The following SNRPD1 variants were observed in gnomAD, a reference collection of about 807,000 sequenced individuals.
SNRPD1 encodes small nuclear ribonucleoprotein Sm D1.
In SNRPD1, 1 loss-of-function variant was observed where a neutral mutation model predicts 14.4. The ratio of observed to expected loss-of-function variants is 0.07; its 90% CI spans 0.02 to 0.33. The LOEUF is 0.33. Among genes scored for constraint, SNRPD1 ranks in the 10% least tolerant of loss-of-function variants. SNRPD1 has a pLI of 1.00. For synonymous variants in SNRPD1, 42 were observed against 50.3 expected (o/e 0.83, Z 0.70); for missense variants, 52 against 146.4 (o/e 0.36, Z 3.33).
intron 1 of SNRPD1, among the ~76,000 whole-genome samples, chr18:21,613,854 CAAA>C (rs56863125): frequency 1.2e-4 from 7 of 58,696 alleles, no homozygotes; most frequent in East Asian, 1.1e-3. Context: ...GACTCCATCT[CAAA>C]AAAAAAAAAA....
At chr18:21,628,910 C>T in intron 3 of SNRPD1, 152 bp from the exon 4 acceptor site, 1 of 692,004 alleles carries the variant, frequency 1.4e-6, no homozygotes, top group Non-Finnish European at 2.6e-6. Context: ...AAGTCTAACA[C>T]ATTTAACAGA....
intron 1 of SNRPD1, among the ~76,000 whole-genome samples, chr18:21,615,162 A>C (rs1380324226): frequency 6.6e-6 from 1 of 152,208 alleles, no homozygotes; most frequent in African/African-American, 2.4e-5. Context: ...ACCAGAAATG[A>C]ATTTTGCCTG....
chr18:21,618,969 G>A (rs2038977515), intron 1 of SNRPD1, among the ~76,000 whole-genome samples: 1 of 152,134 alleles, frequency 6.6e-6, no homozygotes, highest in African/African-American at 2.4e-5. Flanking sequence ...GTTATCTTAT[G>A]TGTACCATTT....
Position 21,619,973 on chromosome 18 carries a change from G to T in SNRPD1, c.15-2752G>T, listed in dbSNP as rs149505719. 9.9e-4 allele frequency among the ~76,000 whole-genome samples: 149 copies of T among 151,246 alleles called. 1 individual carries two copies. Among genetic ancestry groups the T allele is most frequent in the African/African-American group, 3.4e-3 (139 of 41,302 alleles). On this transcript the variant is annotated intron_variant, in intron 1 of 3. Transcript: ENST00000300413. ...TAATTTTTTTATTTGTATTTTTTTC[G>T]AGATGGAGTCTTGCTCTGTCACCCA...
intron 3 of SNRPD1, among the ~76,000 whole-genome samples, chr18:21,627,762 A>C (rs2039051775): frequency 6.6e-6 from 1 of 152,196 alleles, no homozygotes. Flanking sequence ...TAAATGTTAA[A>C]ATGTCATATA....
rs59505994 is a variant in SNRPD1 at position 21,622,829 on chromosome 18, ATT to A, written c.91+35_91+36del. The A allele has an allele frequency of 1.7e-3, 1,971 of 1,190,840 alleles. 28 individuals carry two copies. In the African/African-American group the frequency reaches 0.027, roughly 16 times the overall value. The allele number at this position is 1,190,840 out of a possible 1,614,324, so 73.8% of individuals were successfully genotyped here. Reference sequence around the variant, plus strand: ...ACGGAGGTTGGACTGCTTTTATAACATTTTTTTTCTTCTCTTTTACCTAGCCA... The same window carrying A: ...ACGGAGGTTGGACTGCTTTTATAACATTTTTTCTTCTCTTTTACCTAGCCA... On this transcript the variant is annotated intron_variant, in intron 2 of 3. Coordinates refer to ENST00000300413, the MANE Select transcript of SNRPD1 (RefSeq NM_006938.4).
chr18:21,618,807 A>G (rs957530487), intron 1 of SNRPD1, among the ~76,000 whole-genome samples: 29 of 152,322 alleles, frequency 1.9e-4, no homozygotes, highest in Admixed American at 1.9e-3. Context: ...CACTAAAAAA[A>G]AAGAAATTAA....
chr18:21,629,022 A>G (rs1568126711), intron 3 of SNRPD1, 40 bp from the exon 4 acceptor site: 29 of 1,492,070 alleles, frequency 1.9e-5, no homozygotes, highest in Non-Finnish European at 2.6e-5. Context: ...ACATTGGTGC[A>G]GGAGAGAATT....
At chr18:21,628,881 G>C (rs927333703) in intron 3 of SNRPD1, among the ~76,000 whole-genome samples, 181 bp from the exon 4 acceptor site, 1 of 151,796 alleles carries the variant, frequency 6.6e-6, no homozygotes, top group African/African-American at 2.4e-5. Flanking sequence ...ATAATGTGTT[G>C]GGGGGTGGAG....
At chr18:21,615,270 A>C (rs1186159254) in intron 1 of SNRPD1, among the ~76,000 whole-genome samples, 1 of 152,244 alleles carries the variant, frequency 6.6e-6, no homozygotes, top group Non-Finnish European at 1.5e-5. Context: ...GAAGTGTATC[A>C]GTAATGTGTT....
At chr18:21,627,407 C>A (rs2039048152) in intron 3 of SNRPD1, among the ~76,000 whole-genome samples, 1 of 148,226 alleles carries the variant, frequency 6.7e-6, no homozygotes, top group African/African-American at 2.5e-5. Flanking sequence ...GAGCCACCAT[C>A]ATACCTGGTC....
chr18:21,612,324 G>T lies in SNRPD1; in HGVS notation c.-106G>T. On this transcript the variant is annotated 5_prime_UTR_variant, in exon 1 of 4. Transcript: ENST00000300413. ...AGTGCTCCGCGCGCTCTTGACGTCCGGAGCCCCTGGAGTAGGCGCTTCCGG... is the reference window on the plus strand; with the variant it reads ...AGTGCTCCGCGCGCTCTTGACGTCCTGAGCCCCTGGAGTAGGCGCTTCCGG... 1 of 791,012 alleles carries T rather than the reference G, an allele frequency of 1.3e-6. No individual in the cohort carries two copies. The highest frequency in any genetic ancestry group is 2.5e-5 in the South Asian group (1 of 39,812). 49.0% of individuals were successfully genotyped at this position (791,012 alleles called of 1,614,324 possible).
rs2039061946 is a variant in SNRPD1 at position 21,629,174 on chromosome 18, G to C, written c.*36G>C. 1 of 1,470,870 alleles carries C rather than the reference G, an allele frequency of 6.8e-7. No individual in the cohort carries two copies. Among genetic ancestry groups the C allele is most frequent in the African/African-American group, 1.4e-5 (1 of 72,104 alleles). 91.1% of individuals were successfully genotyped at this position (1,470,870 alleles called of 1,614,324 possible). A position where few individuals can be genotyped will look rare whatever the true frequency, so the allele number is the denominator to read the frequency against. Reference sequence around the variant, plus strand: ...GATTTCAAAGTCATATGAGATTTGGGATATTTTTTGTACAGGTTGTGTTTG... The same window carrying C: ...GATTTCAAAGTCATATGAGATTTGGCATATTTTTTGTACAGGTTGTGTTTG... On this transcript the variant is annotated 3_prime_UTR_variant, in exon 4 of 4. Transcript: ENST00000300413.
chr18:21,614,782 T>C (rs1192627551), intron 1 of SNRPD1, among the ~76,000 whole-genome samples: 1 of 152,206 alleles, frequency 6.6e-6, no homozygotes, highest in East Asian at 1.9e-4. Context: ...ATATCCAAGT[T>C]TCACTAAGTG....
chr18:21,613,809 C>T lies in SNRPD1; in HGVS notation c.14+1366C>T, dbSNP rs557678604. Among the ~76,000 whole-genome samples the T allele has an allele frequency of 2.4e-4, 29 of 120,276 alleles. No individual in the cohort carries two copies. In the South Asian group the frequency reaches 4.3e-3, roughly 18 times the overall value. 78.9% of individuals were successfully genotyped at this position (120,276 alleles called of 152,430 possible). A position where few individuals can be genotyped will look rare whatever the true frequency, so the allele number is the denominator to read the frequency against. On this transcript the variant is annotated intron_variant, in intron 1 of 3. Coordinates refer to ENST00000300413, the MANE Select transcript of SNRPD1 (RefSeq NM_006938.4). ...GGCAGAGGTTGCAGTGAGCCGATATCGTGGCACTACGCTCCAGCCTGGGCG... is the reference window on the plus strand; with the variant it reads ...GGCAGAGGTTGCAGTGAGCCGATATTGTGGCACTACGCTCCAGCCTGGGCG...
In SNRPD1 at chr18:21,629,695, G is replaced by GTCCAGTTAGGCTACAGT; in HGVS notation, c.*560_*576dup. 6.5e-6 allele frequency: 1 copy of GTCCAGTTAGGCTACAGT among 153,902 alleles called. No individual in the cohort carries two copies. Among genetic ancestry groups the GTCCAGTTAGGCTACAGT allele is most frequent in the South Asian group, 2.0e-4 (1 of 4,944 alleles). 9.5% of individuals were successfully genotyped at this position (153,902 alleles called of 1,614,324 possible). A position where few individuals can be genotyped will look rare whatever the true frequency, so the allele number is the denominator to read the frequency against. On this transcript the variant is annotated 3_prime_UTR_variant, in exon 4 of 4. Coordinates refer to ENST00000300413, the MANE Select transcript of SNRPD1 (RefSeq NM_006938.4). The stretch of plus-strand genomic sequence containing the variant: ...AGAGTAGGGTACCGTCTGTTTACAC[G>GTCCAGTTAGGCTACAGT]TCCAGTTAGGCTACAGTTCTATGTA...
In SNRPD1 at chr18:21,617,564, A is replaced by C. The variant is rs565307300; in HGVS notation, c.14+5121A>C. Among the ~76,000 whole-genome samples the C allele has an allele frequency of 1.4e-4, 22 of 152,198 alleles. 1 individual carries two copies. The South Asian group carries it at 4.1e-3, about 29-fold the overall frequency. ...AACATTGGCCCTAGGTTCTCTTTTA[A>C]ATGTGAATATGAGCCTGGTACTCCA... On this transcript the variant is annotated intron_variant, in intron 1 of 3. Transcript: ENST00000300413.
intron 1 of SNRPD1, among the ~76,000 whole-genome samples, chr18:21,621,577 A>AT (rs113670264): frequency 0.015 from 2,236 of 149,428 alleles, 36 homozygotes; most frequent in African/African-American, 0.039. Context: ...ATTTATTTTT[A>AT]TTTTTTTTTA....
At chr18:21,619,520 T>TA (rs1435828028) in intron 1 of SNRPD1, among the ~76,000 whole-genome samples, 1 of 148,548 alleles carries the variant, frequency 6.7e-6, no homozygotes, top group African/African-American at 2.5e-5. Context: ...CCTGGTGGCT[T>TA]ACGCCTGTAA....
Sources: gnomAD v4.1 joint callset for allele counts (sites outside exome capture counted in the v4.1 genomes callset) on GRCh38, gnomAD v4.1.1 for gene constraint, MANE v1.5 for transcripts, NCBI Gene and HGNC (gene_info 2026-07-23, HGNC 2026-07-21) for gene names.